Variants in IQCM observed in about 807,000 individuals in gnomAD.
The protein encoded by IQCM is IQ domain-containing protein M.
Under a neutral mutation model 57.6 loss-of-function variants are expected in IQCM, and 45 were observed. The observed-to-expected ratio is 0.78, with a 90% CI of 0.62 to 1.00. The LOEUF is 1.00. Ranked by LOEUF, IQCM falls within the 50% of genes least tolerant of loss-of-function variation. The probability of loss-of-function intolerance (pLI) is 0.00; values close to 1 mark genes in which losing one functional copy is unlikely to be tolerated. For synonymous variants in IQCM, 148 were observed against 158.9 expected, an observed-to-expected ratio of 0.93 and a Z score of 0.51; for missense variants, 468 against 511.6, an observed-to-expected ratio of 0.91 and a Z score of 0.82.
At chr4:149,424,682 C>CAAAT (rs1392551838) in intron 13 of IQCM, among the ~76,000 whole-genome samples, 1 of 151,714 alleles carries the variant, frequency 6.6e-6, no homozygotes, top group Non-Finnish European at 1.5e-5. Context: ...TATTTTACTA[C>CAAAT]AAATATTCAA....
chr4:149,790,248 C>T, intron 2 of IQCM: 1 of 277,500 alleles, frequency 3.6e-6, no homozygotes, highest in Non-Finnish European at 7.2e-6. Context: ...GTGAAATTTA[C>T]ACATGATCAA....
intron 13 of IQCM, among the ~76,000 whole-genome samples, chr4:149,391,206 G>T (rs1036238951): frequency 6.6e-6 from 1 of 151,840 alleles, no homozygotes; most frequent in African/African-American, 2.4e-5. Context: ...TTTACATATT[G>T]TTGGGGGGTC....
chr4:149,721,798 C>A (rs937151768), intron 5 of IQCM, among the ~76,000 whole-genome samples: 4 of 151,968 alleles, frequency 2.6e-5, no homozygotes, highest in Admixed American at 2.6e-4. Context: ...TTTTCCTTTG[C>A]GTAGATACCC....
At chr4:149,546,860 A>T (rs1409605018) in intron 12 of IQCM, among the ~76,000 whole-genome samples, 4 of 152,050 alleles carry the variant, frequency 2.6e-5, no homozygotes, top group African/African-American at 4.8e-5. Flanking sequence ...TTTTGTTGCC[A>T]TTGCTTTTGG....
chr4:149,586,639 G>T (rs892812324), intron 9 of IQCM, among the ~76,000 whole-genome samples: 1 of 151,226 alleles, frequency 6.6e-6, no homozygotes, highest in Non-Finnish European at 1.5e-5. Context: ...TGTTACATGT[G>T]CCCTTAAAAA....
chr4:149,664,162 A>G (rs1172318594), intron 7 of IQCM, among the ~76,000 whole-genome samples: 2 of 152,068 alleles, frequency 1.3e-5, no homozygotes, highest in Non-Finnish European at 2.9e-5. Flanking sequence ...CATAATATCT[A>G]TCTCTTTATT....
chr4:149,662,240 TG>T (rs1366414878), intron 7 of IQCM, among the ~76,000 whole-genome samples: 2 of 152,060 alleles, frequency 1.3e-5, no homozygotes, highest in Non-Finnish European at 2.9e-5. Flanking sequence ...TCCATGTTTT[TG>T]TTATGTTTCT....
At chr4:149,403,406 T>A (rs1732753885) in intron 13 of IQCM, among the ~76,000 whole-genome samples, 1 of 151,994 alleles carries the variant, frequency 6.6e-6, no homozygotes, top group African/African-American at 2.4e-5. Context: ...GAATTCCAAA[T>A]AGGATCATCA....
intron 8 of IQCM, among the ~76,000 whole-genome samples, chr4:149,589,414 T>G (rs1752922077): frequency 6.6e-6 from 1 of 151,924 alleles, no homozygotes; most frequent in Non-Finnish European, 1.5e-5. Flanking sequence ...TTCTATAAAC[T>G]CTCAAGAGAT....
chr4:149,547,825 A>C (rs1178968296), intron 12 of IQCM, among the ~76,000 whole-genome samples: 1 of 152,190 alleles, frequency 6.6e-6, no homozygotes, highest in Admixed American at 6.5e-5. Flanking sequence ...TGGGGAAAAA[A>C]GAAAGAAAAG....
At chr4:149,728,463 T>C (rs2149876175) in intron 5 of IQCM, among the ~76,000 whole-genome samples, 1 of 152,360 alleles carries the variant, frequency 6.6e-6, no homozygotes, top group East Asian at 1.9e-4. Flanking sequence ...CTGAGCTTTG[T>C]ATATTTACTG....
At chr4:149,801,877 T>C (rs952991058) in intron 2 of IQCM, among the ~76,000 whole-genome samples, 4 of 151,952 alleles carry the variant, frequency 2.6e-5, no homozygotes, top group African/African-American at 9.7e-5. Flanking sequence ...CATTTTCAAA[T>C]AACTAAACTA....
At position 149,430,971 on chromosome 4, in the gene IQCM, C is replaced by T. The variant is rs149901225; in HGVS notation, c.1390+2425G>A. Among the ~76,000 whole-genome samples the T allele has an allele frequency of 5.0e-3, 765 of 151,842 alleles. 3 individuals are homozygous for T. The highest frequency in any genetic ancestry group is 7.9e-3 in the Admixed American group (120 of 15,208). ...TTTCAGCACTTTAGGAGGCTGAGGA[C>T]GGGCAGATCACTTGAGGTCAGGAGT... is the stretch of plus-strand genomic sequence containing the variant. On this transcript the variant is annotated intron_variant, in intron 13 of 13. Transcript: ENST00000636793.
At chr4:149,637,889 A>G (rs1404725567) in intron 7 of IQCM, among the ~76,000 whole-genome samples, 1 of 152,214 alleles carries the variant, frequency 6.6e-6, no homozygotes, top group Admixed American at 6.5e-5. Flanking sequence ...ATAACTATAG[A>G]AAATATTCAC....
intron 13 of IQCM, among the ~76,000 whole-genome samples, chr4:149,414,966 C>G (rs1733640451): frequency 1.3e-5 from 2 of 152,010 alleles, no homozygotes; most frequent in African/African-American, 4.8e-5. Flanking sequence ...TATAATAAAA[C>G]TATATTTTGT....
At chr4:149,720,639 G>A (rs1765367964) in intron 5 of IQCM, among the ~76,000 whole-genome samples, 1 of 152,122 alleles carries the variant, frequency 6.6e-6, no homozygotes, top group African/African-American at 2.4e-5. Flanking sequence ...TTCTGTTTAG[G>A]TTCTTTCTGC....
Position 149,733,341 on chromosome 4 carries a change from G to A in IQCM, c.288C>T (p.Ser96=), listed in dbSNP as rs149502543. The stretch of plus-strand genomic sequence containing the variant: ...GTTGTGGGGGTTCCTGAAGATGCTC[G>A]CTTTTGGAAAGCTCCTTGGGAAAGC... ...RICFPKELSK[S]EHLQEPPQRI... The change falls in exon 5 of 14, where the codon AGC becomes AGT. Residue 96 remains serine (S), a synonymous_variant. Transcript: ENST00000636793. 1.4e-4 allele frequency: 171 copies of A among 1,231,622 alleles called. No individual in the cohort carries two copies. Among genetic ancestry groups the A allele is most frequent in the Admixed American group, 1.3e-4 (3 of 23,676 alleles). 76.3% of individuals were successfully genotyped at this position (1,231,622 alleles called of 1,614,324 possible).
intron 7 of IQCM, among the ~76,000 whole-genome samples, chr4:149,631,488 A>G (rs1177504393): frequency 6.6e-6 from 1 of 152,224 alleles, no homozygotes; most frequent in Non-Finnish European, 1.5e-5. Flanking sequence ...ATTTTACTAT[A>G]TCATGCATTG....
At chr4:149,625,931 T>C (rs1756755583) in intron 7 of IQCM, among the ~76,000 whole-genome samples, 1 of 152,230 alleles carries the variant, frequency 6.6e-6, no homozygotes, top group Non-Finnish European at 1.5e-5. Context: ...ATACCATTTC[T>C]ATGTTATAAA....
Sources: allele counts gnomAD v4.1 joint callset (sites outside exome capture counted in the v4.1 genomes callset), GRCh38; gene constraint gnomAD v4.1.1; transcripts MANE v1.5; gene names NCBI Gene and HGNC (gene_info 2026-07-23, HGNC 2026-07-21).